The following CLASP2 variants were observed in gnomAD, a reference collection of about 807,000 sequenced individuals.
CLASP2 encodes the protein CLIP-associating protein 2.
CLASP2 carries 47 observed loss-of-function variants against 194.4 expected under a neutral mutation model. The ratio of observed to expected loss-of-function variants is 0.24; its 90% CI spans 0.19 to 0.31. The LOEUF is 0.31. Ranked by LOEUF, CLASP2 falls within the 10% of genes least tolerant of loss-of-function variation. The pLI, the probability that CLASP2 is intolerant of heterozygous loss-of-function variation, is 1.00. For missense variants in CLASP2, 1,445 were observed against 1,823.6 expected, an observed-to-expected ratio of 0.79 and a Z score of 3.78; for synonymous variants, 619 against 633.5, an observed-to-expected ratio of 0.98 and a Z score of 0.34.
At chr3:33,583,403 A>C (rs1332158831) in intron 22 of CLASP2, among the ~76,000 whole-genome samples, 1 of 152,214 alleles carries the variant, frequency 6.6e-6, no homozygotes, top group African/African-American at 2.4e-5. Context: ...TTATAACAGG[A>C]ACACTCTCCT....
At chr3:33,567,145 C>T (rs1024371543) in intron 26 of CLASP2, among the ~76,000 whole-genome samples, 1 of 152,144 alleles carries the variant, frequency 6.6e-6, no homozygotes, top group African/African-American at 2.4e-5. Flanking sequence ...CCTTTCTTTT[C>T]TCTTTTTTTT....
At chr3:33,602,905 G>C in intron 18 of CLASP2, 47 bp downstream of exon 18, 3 of 1,533,016 alleles carry the variant, frequency 2.0e-6, no homozygotes, top group South Asian at 1.2e-5. Context: ...TCTTCACAGA[G>C]ATCAGGGAGA....
chr3:33,539,007 G>A, intron 32 of CLASP2, 65 bp from the exon 33 acceptor site: 2 of 1,114,152 alleles, frequency 1.8e-6, no homozygotes, highest in Non-Finnish European at 2.5e-6. Flanking sequence ...CATCTGAGGA[G>A]ATTATATAAG....
intron 18 of CLASP2, among the ~76,000 whole-genome samples, chr3:33,597,537 G>C (rs1188713522): frequency 1.3e-5 from 2 of 152,130 alleles, no homozygotes; most frequent in African/African-American, 4.8e-5. Flanking sequence ...TCTGCAAACA[G>C]TGTGGTTTAT....
chr3:33,669,541 T>TA (rs1364864179), intron 6 of CLASP2, among the ~76,000 whole-genome samples: 2 of 148,928 alleles, frequency 1.3e-5, no homozygotes, highest in Non-Finnish European at 3.0e-5. Context: ...ACAGAACATA[T>TA]AAAAAAGTTC....
chr3:33,648,138 A>G (rs1281065341), intron 7 of CLASP2, among the ~76,000 whole-genome samples: 1 of 152,176 alleles, frequency 6.6e-6, no homozygotes, highest in East Asian at 1.9e-4. Context: ...AAACAAGTGG[A>G]TACGATAGAA....
intron 6 of CLASP2, among the ~76,000 whole-genome samples, chr3:33,667,711 T>C (rs1052844657): frequency 1.3e-5 from 2 of 152,086 alleles, no homozygotes; most frequent in Admixed American, 1.3e-4. Flanking sequence ...CCTGGGGATA[T>C]CCAGTTTATA....
rs777932784 is a variant in CLASP2, at chr3:33,644,797, A to G, written c.822T>C (p.Ser274=). The change falls in exon 8 of 39, where the codon AGT becomes AGC. Residue 274 remains serine, a synonymous_variant. Transcript: ENST00000682230. The stretch of plus-strand genomic sequence containing the variant: ...CACCTGCTGAACCAGGCTTCCTTGC[A>G]CTGTTGGCAGGATTTCCGGATGTTT... ...APKTSGNPAN[S]ARKPGSAGGP... 25 of 1,613,320 alleles carry G rather than the reference A, an allele frequency of 1.5e-5. 1 individual carries two copies. The highest frequency in any genetic ancestry group is 2.1e-5 in the Non-Finnish European group (25 of 1,179,682).
At chr3:33,570,706 A>G in intron 26 of CLASP2, 21 bp downstream of exon 26, 1 of 1,585,140 alleles carries the variant, frequency 6.3e-7, no homozygotes, top group Non-Finnish European at 8.6e-7. Flanking sequence ...GAAATAAATA[A>G]TCTTAAATAC....
At chr3:33,525,950 T>C (rs963255530) in intron 34 of CLASP2, among the ~76,000 whole-genome samples, 3 of 152,192 alleles carry the variant, frequency 2.0e-5, no homozygotes, top group Non-Finnish European at 4.4e-5. Flanking sequence ...GCTGCCATCT[T>C]TGCTGTTTGG....
intron 2 of CLASP2, among the ~76,000 whole-genome samples, chr3:33,694,921 T>G (rs1575640598): frequency 6.6e-6 from 1 of 151,650 alleles, no homozygotes; most frequent in African/African-American, 2.4e-5. Flanking sequence ...CCAGCCTGGG[T>G]GACAGAGCAA....
intron 21 of CLASP2, among the ~76,000 whole-genome samples, chr3:33,586,121 G>A (rs1316469963): frequency 2.0e-5 from 3 of 151,934 alleles, no homozygotes; most frequent in Non-Finnish European, 2.9e-5. Context: ...AAATGAATCA[G>A]ATCCTTTTCT....
At chr3:33,516,188 G>A in intron 35 of CLASP2, 37 bp from the exon 36 acceptor site, 1 of 1,551,742 alleles carries the variant, frequency 6.4e-7, no homozygotes, top group Non-Finnish European at 8.7e-7. Flanking sequence ...AATATTTTGG[G>A]TTGTAGATAA....
rs2057149500 is a variant in CLASP2 at position 33,535,465 on chromosome 3, T to A, written c.3559-4A>T. 1.2e-6 allele frequency: 2 copies of A among 1,608,968 alleles called. No individual in the cohort carries two copies. Among genetic ancestry groups the A allele is most frequent in the South Asian group, 1.1e-5 (1 of 90,582 alleles). Reference sequence around the variant, plus strand: ...ACATCCCAGGACCACCACACATCTATCAATGGGAAGTGAAAGCCACAGCAA... The same window carrying A: ...ACATCCCAGGACCACCACACATCTAACAATGGGAAGTGAAAGCCACAGCAA... On this transcript the variant is annotated splice_region_variant and splice_polypyrimidine_tract_variant and intron_variant, in intron 33 of 38. Transcript: ENST00000682230.
intron 25 of CLASP2, among the ~76,000 whole-genome samples, chr3:33,571,015 A>ATTTTTTTTTTTTTTTTTT (rs1027731514): frequency 3.0e-4 from 37 of 123,914 alleles, no homozygotes; most frequent in South Asian, 5.3e-4. Flanking sequence ...GTCTCTATAA[A>ATTTTTTTTTTTTTTTTTT]TTTTTTTTTT....
chr3:33,648,388 G>A (rs969272915), intron 7 of CLASP2, among the ~76,000 whole-genome samples: 3 of 151,580 alleles, frequency 2.0e-5, no homozygotes, highest in Non-Finnish European at 4.4e-5. Context: ...CATTACTGGA[G>A]ATAAAGAGAG....
chr3:33,547,240 T>C (rs2059289559), intron 30 of CLASP2, among the ~76,000 whole-genome samples: 1 of 152,176 alleles, frequency 6.6e-6, no homozygotes, highest in South Asian at 2.1e-4. Context: ...GCCACACTGT[T>C]CTTGTGGTAG....
intron 9 of CLASP2, among the ~76,000 whole-genome samples, chr3:33,629,442 A>G (rs1414355449): frequency 1.3e-5 from 2 of 152,190 alleles, no homozygotes; most frequent in Non-Finnish European, 2.9e-5. Context: ...TGTAACAGAA[A>G]GATCATGTTT....
intron 2 of CLASP2, among the ~76,000 whole-genome samples, chr3:33,691,290 A>C (rs2091323281): frequency 6.6e-6 from 1 of 152,236 alleles, no homozygotes. Context: ...GAAACAGATC[A>C]AGAAAAATAT....
Sources: gnomAD v4.1 joint callset for allele counts (sites outside exome capture counted in the v4.1 genomes callset) on GRCh38, gnomAD v4.1.1 for gene constraint, MANE v1.5 for transcripts, NCBI Gene and HGNC (gene_info 2026-07-23, HGNC 2026-07-21) for gene names.